The following PPARGC1A variants were observed in gnomAD, a reference collection of about 807,000 sequenced individuals.
The protein encoded by PPARGC1A is PPARG coactivator 1 alpha.
PPARGC1A carries 25 observed loss-of-function variants against 88.7 expected under a neutral mutation model. That is an observed-to-expected ratio of 0.28 (90% confidence interval 0.21 to 0.39). The LOEUF (loss-of-function observed/expected upper bound fraction) is 0.39. Among genes scored for constraint, PPARGC1A ranks in the 10% least tolerant of loss-of-function variants. PPARGC1A has a pLI of 1.00. For missense variants in PPARGC1A, 880 were observed against 968.7 expected, an observed-to-expected ratio of 0.91 and a Z score of 1.22; for synonymous variants, 363 against 355.6, an observed-to-expected ratio of 1.02 and a Z score of -0.24.
the PPARGC1A span, among the ~76,000 whole-genome samples, chr4:24,161,959 TATACAC>T: frequency 5.2e-3 from 614 of 118,826 alleles, 5 homozygotes; most frequent in East Asian, 0.028. Flanking sequence ...GAAATTGTGA[TATACAC>T]ACACACACAC....
intron 2 of PPARGC1A, among the ~76,000 whole-genome samples, chr4:23,880,551 G>A (rs944389235): frequency 2.0e-5 from 3 of 152,086 alleles, no homozygotes; most frequent in African/African-American, 7.2e-5. Context: ...CTTTTTGATA[G>A]GTACATAATA....
At chr4:24,339,247 C>CATTTTTCATTATT in the PPARGC1A span, among the ~76,000 whole-genome samples, 1 of 149,196 alleles carries the variant, frequency 6.7e-6, no homozygotes, top group Non-Finnish European at 1.5e-5. Flanking sequence ...TACACACACA[C>CATTTTTCATTATT]ACACACACAC....
chr4:24,310,414 G>C, the PPARGC1A span, among the ~76,000 whole-genome samples: 1 of 152,112 alleles, frequency 6.6e-6, no homozygotes, highest in African/African-American at 2.4e-5. Context: ...ATTTTGTCCA[G>C]AATATATTAT....
the PPARGC1A span, among the ~76,000 whole-genome samples, chr4:24,295,811 T>G: frequency 6.6e-6 from 1 of 151,128 alleles, no homozygotes; most frequent in Admixed American, 6.6e-5. Flanking sequence ...TTTAAATTGT[T>G]TAAATTGGCA....
the PPARGC1A span, among the ~76,000 whole-genome samples, chr4:24,360,606 T>C: frequency 6.6e-6 from 1 of 152,220 alleles, no homozygotes; most frequent in African/African-American, 2.4e-5. Flanking sequence ...GAACAGTACC[T>C]GGCTCATCAA....
the PPARGC1A span, among the ~76,000 whole-genome samples, chr4:24,338,051 A>G: frequency 1.3e-5 from 2 of 152,114 alleles, no homozygotes; most frequent in African/African-American, 4.8e-5. Flanking sequence ...CACCCTGCCT[A>G]GCCTTGCCAT....
At chr4:24,327,297 A>G in the PPARGC1A span, among the ~76,000 whole-genome samples, 1 of 151,584 alleles carries the variant, frequency 6.6e-6, no homozygotes, top group East Asian at 1.9e-4. Context: ...GTCTAGTCAT[A>G]CTCCTATTCA....
chr4:24,416,971 A>G, the PPARGC1A span, among the ~76,000 whole-genome samples: 1 of 151,028 alleles, frequency 6.6e-6, no homozygotes, highest in Non-Finnish European at 1.5e-5. Flanking sequence ...CGGAGGTTGC[A>G]GTGAGCCGAG....
intron 2 of PPARGC1A, among the ~76,000 whole-genome samples, chr4:23,877,291 C>T (rs1033164732): frequency 2.9e-5 from 4 of 138,246 alleles, no homozygotes; most frequent in Non-Finnish European, 4.5e-5. Flanking sequence ...CCGAGGCAGG[C>T]GAATCACGAG....
chr4:23,934,803 C>T, the PPARGC1A span, among the ~76,000 whole-genome samples: 1 of 152,102 alleles, frequency 6.6e-6, no homozygotes, highest in Admixed American at 6.6e-5. Flanking sequence ...GTGGCTTGCC[C>T]AAGACCCCGG....
chr4:24,314,112 A>C, the PPARGC1A span, among the ~76,000 whole-genome samples: 1 of 152,246 alleles, frequency 6.6e-6, no homozygotes, highest in African/African-American at 2.4e-5. Flanking sequence ...TGTCAACAAA[A>C]GAGTAAAAAA....
At chr4:23,909,115 C>A in the PPARGC1A span, among the ~76,000 whole-genome samples, 2 of 152,102 alleles carry the variant, frequency 1.3e-5, no homozygotes, top group African/African-American at 4.8e-5. Context: ...GAAAACAGAT[C>A]TAATTAATCT....
chr4:23,806,203 CTTAT>C (rs1000148423), intron 10 of PPARGC1A, among the ~76,000 whole-genome samples: 3 of 152,102 alleles, frequency 2.0e-5, no homozygotes, highest in South Asian at 2.1e-4. Flanking sequence ...TGTTGAAAGG[CTTAT>C]TTGAGAAAAT....
At chr4:23,944,567 G>A in the PPARGC1A span, among the ~76,000 whole-genome samples, 8 of 152,162 alleles carry the variant, frequency 5.3e-5, no homozygotes, top group Admixed American at 4.6e-4. Context: ...TGTTGATATG[G>A]TTTGGCTGTT....
chr4:23,840,031 C>T (rs1441086167), intron 2 of PPARGC1A, among the ~76,000 whole-genome samples: 1 of 151,936 alleles, frequency 6.6e-6, no homozygotes, highest in Non-Finnish European at 1.5e-5. Context: ...ATTTGCCAAC[C>T]CATCTCAATA....
At chr4:24,435,287 T>G in the PPARGC1A span, among the ~76,000 whole-genome samples, 4 of 152,342 alleles carry the variant, frequency 2.6e-5, no homozygotes, top group African/African-American at 9.6e-5. Flanking sequence ...AGAAGTCTGA[T>G]AATGGCACAA....
chr4:24,299,932 T>C, the PPARGC1A span, among the ~76,000 whole-genome samples: 1 of 152,244 alleles, frequency 6.6e-6, no homozygotes, highest in South Asian at 2.1e-4. Flanking sequence ...GTGGCTGAGA[T>C]CATAGTCTGC....
chr4:24,056,748 A>G, the PPARGC1A span, among the ~76,000 whole-genome samples: 1 of 152,312 alleles, frequency 6.6e-6, no homozygotes, highest in South Asian at 2.1e-4. Flanking sequence ...CGTACTTATC[A>G]TACCACCTCA....
the PPARGC1A span, among the ~76,000 whole-genome samples, chr4:24,275,606 G>A: frequency 6.6e-6 from 1 of 152,114 alleles, no homozygotes; most frequent in Non-Finnish European, 1.5e-5. Context: ...TTAATAAATA[G>A]GATTTTTGCT....
Sources: gnomAD v4.1 joint callset for allele counts (sites outside exome capture counted in the v4.1 genomes callset) on GRCh38, gnomAD v4.1.1 for gene constraint, MANE v1.5 for transcripts, NCBI Gene and HGNC (gene_info 2026-07-23, HGNC 2026-07-21) for gene names.